Variants in CNTNAP4 observed in about 807,000 individuals in gnomAD.
CNTNAP4 encodes the protein contactin associated protein family member 4, also known as contactin-associated protein-like 4.
In CNTNAP4, 98 loss-of-function variants were observed where a neutral mutation model predicts 148.4. The ratio of observed to expected loss-of-function variants is 0.66; its 90% CI spans 0.56 to 0.78. CNTNAP4 has a LOEUF of 0.78. CNTNAP4 is among the 30% of genes least tolerant of loss of function. The pLI is 0.00. For synonymous variants in CNTNAP4, 730 were observed against 565.1 expected, an observed-to-expected ratio of 1.29 and a Z score of -4.14; for missense variants, 1,935 against 1,565.6, an observed-to-expected ratio of 1.24 and a Z score of -3.98.
At chr16:76,321,931 G>C (rs1567697879) in intron 2 of CNTNAP4, among the ~76,000 whole-genome samples, 1 of 151,944 alleles carries the variant, frequency 6.6e-6, no homozygotes, top group African/African-American at 2.4e-5. Flanking sequence ...CCTAGAGAAA[G>C]GGGAACCTGG....
chr16:76,440,774 G>T lies in CNTNAP4; in HGVS notation c.539-7238G>T, dbSNP rs114689993. On this transcript the variant is annotated intron_variant, in intron 4 of 23. Transcript: ENST00000611870. ...GATCCCAAGGGATTCTTTTCCATTG[G>T]TTCCAATATAACTGGACCATAGAGC... 6.9e-3 allele frequency among the ~76,000 whole-genome samples: 1,053 copies of T among 152,182 alleles called. 10 individuals are homozygous for T. Among genetic ancestry groups the T allele is most frequent in the African/African-American group, 0.024 (994 of 41,516 alleles).
intron 3 of CNTNAP4, among the ~76,000 whole-genome samples, chr16:76,382,491 TTA>T (rs1167641965): frequency 6.6e-6 from 1 of 152,118 alleles, no homozygotes; most frequent in Non-Finnish European, 1.5e-5. Flanking sequence ...GATAAAGCAG[TTA>T]TGTGATTATA....
rs192577326 is a variant in CNTNAP4, at chr16:76,430,005, T to G, written c.538+2406T>G. 1.6e-4 allele frequency among the ~76,000 whole-genome samples: 24 copies of G among 152,296 alleles called. 1 individual carries two copies. Among genetic ancestry groups the G allele is most frequent in the Admixed American group, 1.4e-3 (22 of 15,284 alleles). On this transcript the variant is annotated intron_variant, in intron 4 of 23. Transcript: ENST00000611870. ...AGTAATAAACTTAATGGATAAACAT[T>G]CTTGTAGATAATCAGAAAATAACCA... is the stretch of plus-strand genomic sequence containing the variant.
intron 9 of CNTNAP4, among the ~76,000 whole-genome samples, chr16:76,465,132 G>C (rs2081129996): frequency 6.6e-6 from 1 of 152,150 alleles, no homozygotes; most frequent in Non-Finnish European, 1.5e-5. Flanking sequence ...GTGACATATA[G>C]CGATAATTTA....
At chr16:76,552,642 A>C (rs12929894) in intron 21 of CNTNAP4, among the ~76,000 whole-genome samples, 1 of 151,974 alleles carries the variant, frequency 6.6e-6, no homozygotes, top group Admixed American at 6.5e-5. Flanking sequence ...TTGAAACAAG[A>C]AGAAAAGACA....
rs1342431949 is a variant in CNTNAP4, at chr16:76,509,250, C to T, written c.2365+10556C>T. ...ATAATTCCTCATGGTGGTTGAGGAC[C>T]GTCCTGTGCATTGTTGGAGCTAAGC... On this transcript the variant is annotated intron_variant, in intron 15 of 23. Coordinates refer to ENST00000611870, the MANE Select transcript of CNTNAP4 (RefSeq NM_033401.5). Among the ~76,000 whole-genome samples, 3 of 95,890 alleles carry T rather than the reference C, an allele frequency of 3.1e-5. 1 individual carries two copies. Among genetic ancestry groups the T allele is most frequent in the African/African-American group, 7.8e-5 (3 of 38,398 alleles). 62.9% of individuals were successfully genotyped at this position (95,890 alleles called of 152,430 possible).
intron 8 of CNTNAP4, among the ~76,000 whole-genome samples, chr16:76,456,268 G>C (rs546304992): frequency 6.6e-6 from 1 of 152,362 alleles, no homozygotes. Flanking sequence ...ATTTGGGGTT[G>C]TGTTAGCTGA....
intron 1 of CNTNAP4, among the ~76,000 whole-genome samples, chr16:76,302,933 T>C (rs748475951): frequency 6.6e-6 from 1 of 152,124 alleles, no homozygotes; most frequent in Non-Finnish European, 1.5e-5. Flanking sequence ...GTAATAGTGA[T>C]GGGTCCCTGG....
At chr16:76,476,564 C>T (rs1405112118) in intron 11 of CNTNAP4, among the ~76,000 whole-genome samples, 1 of 152,156 alleles carries the variant, frequency 6.6e-6, no homozygotes, top group Admixed American at 6.5e-5. Flanking sequence ...TTACAAACTG[C>T]AGAAATGTAT....
At chr16:76,302,150 G>A (rs114547804) in intron 1 of CNTNAP4, among the ~76,000 whole-genome samples, 252 of 152,126 alleles carry the variant, frequency 1.7e-3, no homozygotes, top group African/African-American at 5.8e-3. Context: ...CTTCAGTGGC[G>A]AGGCCTTCAG....
intron 13 of CNTNAP4, among the ~76,000 whole-genome samples, chr16:76,494,336 G>A (rs879602654): frequency 9.2e-5 from 14 of 152,094 alleles, no homozygotes; most frequent in Non-Finnish European, 1.9e-4. Context: ...CAAATAAATA[G>A]CCAAGCCATT....
chr16:76,511,414 A>G (rs908677847), intron 15 of CNTNAP4, among the ~76,000 whole-genome samples: 3 of 152,178 alleles, frequency 2.0e-5, no homozygotes. Context: ...GCAATAAATA[A>G]CTTTGCAGAA....
intron 3 of CNTNAP4, among the ~76,000 whole-genome samples, chr16:76,417,905 T>C (rs2079044959): frequency 6.6e-6 from 1 of 151,768 alleles, no homozygotes; most frequent in Non-Finnish European, 1.5e-5. Flanking sequence ...TTCAATGCTT[T>C]ACATATTTTA....
intron 3 of CNTNAP4, among the ~76,000 whole-genome samples, chr16:76,400,715 A>G (rs1597425812): frequency 6.6e-6 from 1 of 152,144 alleles, no homozygotes; most frequent in Non-Finnish European, 1.5e-5. Flanking sequence ...TAACTTTTGT[A>G]TATGGTGTAA....
intron 15 of CNTNAP4, among the ~76,000 whole-genome samples, chr16:76,520,716 C>G (rs895976469): frequency 5.3e-5 from 8 of 151,950 alleles, no homozygotes; most frequent in African/African-American, 1.9e-4. Context: ...AGTGTTAGAA[C>G]AAAAAATACT....
chr16:76,538,930 A>C (rs2084333472), intron 19 of CNTNAP4, among the ~76,000 whole-genome samples: 1 of 152,088 alleles, frequency 6.6e-6, no homozygotes, highest in African/African-American at 2.4e-5. Context: ...TAAAGGTAAA[A>C]ATTTTGGAAA....
chr16:76,495,102 T>A lies in CNTNAP4; in HGVS notation c.2237+36T>A, dbSNP rs1597729004. On this transcript the variant is annotated intron_variant, in intron 14 of 23. Transcript: ENST00000611870. ...TATGATTTCTTTATGCAAGAAAAAGTTCATTTAAAAAAATTAATCACTCAA... is the reference window on the plus strand; with the variant it reads ...TATGATTTCTTTATGCAAGAAAAAGATCATTTAAAAAAATTAATCACTCAA... 7.5e-6 allele frequency: 12 copies of A among 1,607,662 alleles called. No individual in the cohort carries two copies. In the African/African-American group the frequency reaches 9.4e-5, roughly 13 times the overall value.
chr16:76,291,756 T>A (rs1959126011), intron 1 of CNTNAP4, among the ~76,000 whole-genome samples: 1 of 152,364 alleles, frequency 6.6e-6, no homozygotes, highest in African/African-American at 2.4e-5. Context: ...ATCTTTCTAG[T>A]AAGTTTTGAA....
intron 8 of CNTNAP4, among the ~76,000 whole-genome samples, chr16:76,458,863 T>G (rs2143358678): frequency 6.6e-6 from 1 of 152,336 alleles, no homozygotes; most frequent in East Asian, 1.9e-4. Flanking sequence ...GGTCGAATAG[T>G]AATTCTACTT....
Sources: allele counts gnomAD v4.1 joint callset (sites outside exome capture counted in the v4.1 genomes callset), GRCh38; gene constraint gnomAD v4.1.1; transcripts MANE v1.5; gene names NCBI Gene and HGNC (gene_info 2026-07-23, HGNC 2026-07-21).